The following ELAC2 variants were observed in gnomAD, a reference collection of about 807,000 sequenced individuals.
ELAC2 encodes zinc phosphodiesterase ELAC protein 2.
In ELAC2, 92 loss-of-function variants were observed where a neutral mutation model predicts 105.2. The observed-to-expected ratio is 0.87, with a 90% CI of 0.74 to 1.04. The LOEUF (loss-of-function observed/expected upper bound fraction) is 1.04. Ranked by LOEUF, ELAC2 falls within the 50% of genes least tolerant of loss-of-function variation. The probability of loss-of-function intolerance (pLI) is 0.00; values close to 1 mark genes in which losing one functional copy is unlikely to be tolerated. For synonymous variants in ELAC2, 468 were observed against 409.1 expected (o/e 1.14, Z -1.74); for missense variants, 1,099 against 1,071.7 (o/e 1.03, Z -0.36).
Position 13,006,471 on chromosome 17 carries a change from T to C in ELAC2, c.739-492A>G, listed in dbSNP as rs528209570. ...TACCATATTCTGAAGAAGTCATTTA[T>C]TGTCAAATGCTTTAGTACTAAAAGC... On this transcript the variant is annotated intron_variant, in intron 8 of 23. Coordinates refer to ENST00000338034, the MANE Select transcript of ELAC2 (RefSeq NM_018127.7). The C allele has an allele frequency of 4.7e-4, 83 of 177,986 alleles. 2 individuals carry two copies. In the South Asian group the frequency reaches 6.3e-3, roughly 13 times the overall value. 11.0% of individuals were successfully genotyped at this position (177,986 alleles called of 1,614,324 possible).
At chr17:13,011,308 G>C (rs186579099) in intron 7 of ELAC2, among the ~76,000 whole-genome samples, 2 of 152,346 alleles carry the variant, frequency 1.3e-5, no homozygotes, top group East Asian at 1.9e-4. Context: ...CATTGGCTTA[G>C]CAGTTATAGT....
At chr17:13,009,182 CATT>C (rs1342942220) in intron 8 of ELAC2, among the ~76,000 whole-genome samples, 1 of 152,166 alleles carries the variant, frequency 6.6e-6, no homozygotes, top group Non-Finnish European at 1.5e-5. Flanking sequence ...ATGAAAATCA[CATT>C]ATTCAAATAA....
In ELAC2 at chr17:13,002,414, C is replaced by T. The variant is rs73298512; in HGVS notation, c.1218+27G>A. On this transcript the variant is annotated intron_variant, in intron 13 of 23. Transcript: ENST00000338034. ...GAAAGAGAGGGGACGAGAGCTGGGC[C>T]GACAAGGGGCCGGTCTGAGACACTA... 2,070 of 1,613,836 alleles carry T rather than the reference C, an allele frequency of 1.3e-3. 16 individuals carry two copies. In the African/African-American group the frequency reaches 0.018, roughly 14 times the overall value.
intron 4 of ELAC2, 149 bp downstream of exon 4, chr17:13,015,619 A>G (rs2041671204): frequency 4.3e-6 from 3 of 703,562 alleles, no homozygotes; most frequent in Non-Finnish European, 7.6e-6. Flanking sequence ...GTTAATCAGA[A>G]CTCAAGTCTT....
intron 5 of ELAC2, among the ~76,000 whole-genome samples, chr17:13,014,004 A>G (rs1003629094): frequency 6.6e-6 from 1 of 152,114 alleles, no homozygotes; most frequent in Non-Finnish European, 1.5e-5. Context: ...AACACAGAAA[A>G]TGTCACTATT....
At position 13,017,054 on chromosome 17, in the gene ELAC2, G is replaced by C; in HGVS notation, c.296+17C>G. ...CCCGTAATCAACTCCCCCTCCGAAA[G>C]CAAGAGACTGACTCACTTGTGCTCC... On this transcript the variant is annotated intron_variant, in intron 2 of 23. Coordinates refer to ENST00000338034, the MANE Select transcript of ELAC2 (RefSeq NM_018127.7). 1 of 1,614,028 alleles carries C rather than the reference G, an allele frequency of 6.2e-7. No individual in the cohort carries two copies.
chr17:13,012,326 G>A (rs1276899252), intron 6 of ELAC2, among the ~76,000 whole-genome samples: 1 of 152,200 alleles, frequency 6.6e-6, no homozygotes, highest in African/African-American at 2.4e-5. Flanking sequence ...GCCATGGAGC[G>A]AAGAACAGGG....
chr17:13,017,693 G>C lies in ELAC2; in HGVS notation c.245+10C>G. On this transcript the variant is annotated intron_variant, in intron 1 of 23. Transcript: ENST00000338034. Reference sequence around the variant, plus strand: ...GGCCCAGCGGGACGGGGCGTGGCTCGTTGACTGACCGGTTGAACTCGGAGA... The same window carrying C: ...GGCCCAGCGGGACGGGGCGTGGCTCCTTGACTGACCGGTTGAACTCGGAGA... 1 of 1,613,186 alleles carries C rather than the reference G, an allele frequency of 6.2e-7. No homozygotes were observed. The highest frequency in any genetic ancestry group is 8.5e-7 in the Non-Finnish European group (1 of 1,179,790).
intron 8 of ELAC2, among the ~76,000 whole-genome samples, chr17:13,010,404 C>T (rs548451224): frequency 2.0e-5 from 3 of 152,282 alleles, no homozygotes; most frequent in Admixed American, 6.5e-5. Flanking sequence ...CTCCTGACCT[C>T]GTGATCCACC....
chr17:12,996,055 T>C (rs1555572781), intron 17 of ELAC2, 77 bp from the exon 18 acceptor site: 1 of 1,508,368 alleles, frequency 6.6e-7, no homozygotes, highest in South Asian at 1.2e-5. Flanking sequence ...CAGCCCTCTC[T>C]CTTGCAGGAG....
chr17:12,994,715 C>A, intron 21 of ELAC2, 49 bp downstream of exon 21: 1 of 1,613,094 alleles, frequency 6.2e-7, no homozygotes, highest in Non-Finnish European at 8.5e-7. Context: ...CCTCCAGCTA[C>A]ACAAACCCCA....
rs79742965 is a variant in ELAC2, at chr17:12,996,257, A to G, written c.1660-279T>C. The G allele has an allele frequency of 7.2e-4, 450 of 628,684 alleles. 1 individual carries two copies. The African/African-American group carries it at 7.8e-3, about 11-fold the overall frequency. 38.9% of individuals were successfully genotyped at this position (628,684 alleles called of 1,614,324 possible). A position where few individuals can be genotyped will look rare whatever the true frequency, so the allele number is the denominator to read the frequency against. On this transcript the variant is annotated intron_variant, in intron 17 of 23. Transcript: ENST00000338034. ...AGGGTCTCATAGCCACACCTCCTGC[A>G]TCCGGTCAAAGCTTCCGCTGAGCAG...
chr17:12,999,939 G>T (rs1164017205), intron 15 of ELAC2, among the ~76,000 whole-genome samples: 1 of 152,188 alleles, frequency 6.6e-6, no homozygotes, highest in African/African-American at 2.4e-5. Context: ...TTACAGGTGT[G>T]AGCCACCGCG....
Position 13,013,342 on chromosome 17 carries a change from G to A in ELAC2, c.491-67C>T, listed in dbSNP as rs754796844. 48 of 1,528,208 alleles carry A rather than the reference G, an allele frequency of 3.1e-5. 1 individual carries two copies. Among genetic ancestry groups the A allele is most frequent in the Non-Finnish European group, 4.3e-5 (48 of 1,112,650 alleles). 94.7% of individuals were successfully genotyped at this position (1,528,208 alleles called of 1,614,324 possible). On this transcript the variant is annotated intron_variant, in intron 5 of 23. Coordinates refer to ENST00000338034, the MANE Select transcript of ELAC2 (RefSeq NM_018127.7). Reference sequence around the variant, plus strand: ...AAGATGTGTGGGAAGAGTAACTTCAGGATCACCAACCACGAGCAACTGAAT... The same window carrying A: ...AAGATGTGTGGGAAGAGTAACTTCAAGATCACCAACCACGAGCAACTGAAT...
chr17:12,993,820 T>C lies in ELAC2; in HGVS notation c.2120A>G (p.Gln707Arg), dbSNP rs755055490. 1 of 1,614,196 alleles carries C rather than the reference T, an allele frequency of 6.2e-7. No individual in the cohort carries two copies. The highest frequency in any genetic ancestry group is 8.5e-7 in the Non-Finnish European group (1 of 1,180,028). Residue 707 changes from glutamine to arginine, a missense_variant, in exon 23 of 24, where the codon CAA (glutamine) becomes CGA (arginine). Coordinates refer to ENST00000338034, the MANE Select transcript of ELAC2 (RefSeq NM_018127.7). Reference sequence around the variant, plus strand: ...CATCCGCATCCCCACGCTGATGGCTTGGGACGTTGTGCTGCAGGTGAAGGA... The same window carrying C: ...CATCCGCATCCCCACGCTGATGGCTCGGGACGTTGTGCTGCAGGTGAAGGA... ...AVEKTHSTTS[Q>R]AISVGMRMNA...
Position 12,992,051 on chromosome 17 carries a change from C to CT in ELAC2, c.*766dup, listed in dbSNP as rs769600654. ...CAACACAGCAAATCTATTGTCTCCA[C>CT]TTTTACCCAGAACCACCAGAAGACT... On this transcript the variant is annotated 3_prime_UTR_variant, in exon 24 of 24. Transcript: ENST00000338034. 1.3e-5 allele frequency among the ~76,000 whole-genome samples: 2 copies of CT among 152,178 alleles called. No homozygotes were observed. Among genetic ancestry groups the CT allele is most frequent in the Admixed American group, 6.5e-5 (1 of 15,282 alleles).
chr17:13,004,946 G>A (rs2041022231), intron 11 of ELAC2, 43 bp downstream of exon 11: 1 of 1,451,482 alleles, frequency 6.9e-7, no homozygotes, highest in Non-Finnish European at 9.7e-7. Context: ...TGCTGGGCTG[G>A]GTTTCAGCTC....
At chr17:13,008,562 C>T (rs2041239571) in intron 8 of ELAC2, among the ~76,000 whole-genome samples, 1 of 152,156 alleles carries the variant, frequency 6.6e-6, no homozygotes, top group African/African-American at 2.4e-5. Flanking sequence ...AAACCCATCT[C>T]CCTGGGAGCT....
intron 21 of ELAC2, 63 bp from the exon 22 acceptor site, chr17:12,994,566 C>T (rs1409307351): frequency 6.2e-7 from 1 of 1,605,368 alleles, no homozygotes; most frequent in Non-Finnish European, 8.5e-7. Context: ...AGGCCTCAGT[C>T]ACGTGCTGTT....
Sources: allele counts gnomAD v4.1 joint callset (sites outside exome capture counted in the v4.1 genomes callset), GRCh38; gene constraint gnomAD v4.1.1; transcripts MANE v1.5; gene names NCBI Gene and HGNC (gene_info 2026-07-23, HGNC 2026-07-21).